The following CD40 variants were observed in gnomAD, a reference collection of about 807,000 sequenced individuals.
CD40 encodes the protein CD40 molecule, also known as tumor necrosis factor receptor superfamily member 5.
CD40 carries 19 observed loss-of-function variants against 38.5 expected under a neutral mutation model. The observed-to-expected ratio is 0.49, with a 90% CI of 0.34 to 0.72. The LOEUF is 0.72. CD40 is among the 30% of genes least tolerant of loss of function. The pLI is 0.01. For missense variants in CD40, 256 were observed against 344.1 expected (o/e 0.74, Z 2.03); for synonymous variants, 130 against 128.7 (o/e 1.01, Z -0.07).
chr20:46,121,984 A>G (rs2085327994), intron 2 of CD40, 86 bp downstream of exon 2: 4 of 1,227,020 alleles, frequency 3.3e-6, no homozygotes, highest in Non-Finnish European at 4.8e-6. Context: ...CTGTAAACTC[A>G]AATCTGAAAC....
chr20:46,122,366 C>T lies in CD40; in HGVS notation c.256+8C>T, dbSNP rs775430615. 8.1e-6 allele frequency: 13 copies of T among 1,614,030 alleles called. No homozygotes were observed. Among genetic ancestry groups the T allele is most frequent in the Middle Eastern group, 1.6e-4 (1 of 6,080 alleles). On this transcript the variant is annotated splice_region_variant and intron_variant, in intron 3 of 8. Coordinates refer to ENST00000372285, the MANE Select transcript of CD40 (RefSeq NM_001250.6). This position sits in a 1 kb window ranked among gnomAD's most constrained non-coding sequence, Gnocchi z 5.0. ...ACAAATACTGCGACCCCAGTGCGTG[C>T]GCTGTTGGGAAAGGGACGCTTGGGA...
chr20:46,121,415 G>A (rs2085314937), intron 1 of CD40, among the ~76,000 whole-genome samples: 1 of 152,100 alleles, frequency 6.6e-6, no homozygotes, highest in Non-Finnish European at 1.5e-5. Context: ...GGAGGAAGAG[G>A]CCAAGTGCTA....
intron 6 of CD40, 60 bp from the exon 7 acceptor site, chr20:46,128,078 G>A: frequency 6.2e-7 from 1 of 1,613,996 alleles, no homozygotes; most frequent in Non-Finnish European, 8.5e-7. Context: ...AGTCACAGCA[G>A]GTTGAGGGTA....
At chr20:46,121,336 A>T (rs1454840965) in intron 1 of CD40, among the ~76,000 whole-genome samples, 1 of 152,192 alleles carries the variant, frequency 6.6e-6, no homozygotes, top group Non-Finnish European at 1.5e-5. Flanking sequence ...GGATGAACAG[A>T]TGATGAGGAG....
At position 46,122,336 on chromosome 20, in the gene CD40, C is replaced by G; in HGVS notation, c.234C>G (p.His78Gln). The G allele has an allele frequency of 6.2e-7, 1 of 1,614,180 alleles. No homozygotes were observed. The highest frequency in any genetic ancestry group is 1.1e-5 in the South Asian group (1 of 91,082). The change falls in exon 3 of 9, where the codon CAC becomes CAG. Residue 78 changes from histidine (H) to glutamine (Q), a missense_variant. Coordinates refer to ENST00000372285, the MANE Select transcript of CD40 (RefSeq NM_001250.6). This position sits in a 1 kb window ranked among gnomAD's most constrained non-coding sequence, Gnocchi z 5.0. ...CCTGGAACAGAGAGACACACTGCCA[C>G]CAGCACAAATACTGCGACCCCAGTG... ...LDTWNRETHC[H>Q]QHKYCDPNLG...
Position 46,128,185 on chromosome 20 carries a change from G to A in CD40, c.607G>A (p.Gly203Arg), listed in dbSNP as rs1387744428. ...CCTGGTGGTGATCCCCATCATCTTCGGGATCCTGTTTGCCATCCTCTTGGT... is the reference window on the plus strand; with the variant it reads ...CCTGGTGGTGATCCCCATCATCTTCAGGATCCTGTTTGCCATCCTCTTGGT... Reference protein sequence around the residue: ...RALVVIPIIFGILFAILLVLV... With the variant: ...RALVVIPIIFRILFAILLVLV... Residue 203 changes from glycine to arginine, a missense_variant, in exon 7 of 9, where the codon GGG (glycine) becomes AGG (arginine). Gly to Arg is a moderately radical substitution (Grantham distance 125, BLOSUM62 -2). Coordinates refer to ENST00000372285, the MANE Select transcript of CD40 (RefSeq NM_001250.6). 4 of 1,613,912 alleles carry A rather than the reference G, an allele frequency of 2.5e-6. No individual in the cohort carries two copies. The highest frequency in any genetic ancestry group is 3.4e-6 in the Non-Finnish European group (4 of 1,179,996).
At chr20:46,119,336 T>C (rs550462145) in intron 1 of CD40, among the ~76,000 whole-genome samples, 2 of 152,290 alleles carry the variant, frequency 1.3e-5, no homozygotes, top group South Asian at 4.1e-4. Context: ...GAATGACCCA[T>C]GGTATCAAGG....
Position 46,129,612 on chromosome 20 carries a change from T to C in CD40, c.*572T>C. The C allele has an allele frequency of 5.9e-6, 1 of 168,676 alleles. No homozygotes were observed. Among genetic ancestry groups the C allele is most frequent in the South Asian group, 1.5e-4 (1 of 6,846 alleles). The allele number at this position is 168,676 out of a possible 1,614,324, so 10.4% of individuals were successfully genotyped here. A position where few individuals can be genotyped will look rare whatever the true frequency, so the allele number is the denominator to read the frequency against. On this transcript the variant is annotated 3_prime_UTR_variant, in exon 9 of 9. Coordinates refer to ENST00000372285, the MANE Select transcript of CD40 (RefSeq NM_001250.6). ...AAAAAAGTACATGCTTTTATGTATG[T>C]ATATTGCCTATGGATATATGTATAA... is the stretch of plus-strand genomic sequence containing the variant.
In CD40 at chr20:46,122,791, G is replaced by A. The variant is rs772597083; in HGVS notation, c.403+35G>A. 5 of 1,613,006 alleles carry A rather than the reference G, an allele frequency of 3.1e-6. No individual in the cohort carries two copies. The Admixed American group carries it at 8.3e-5, about 27-fold the overall frequency. ...TCATCTGGGAATCAGTTTTGGAGGG[G>A]GACAGAGGAGCTTAGGGCCCAAGGT... On this transcript the variant is annotated intron_variant, in intron 4 of 8. Coordinates refer to ENST00000372285, the MANE Select transcript of CD40 (RefSeq NM_001250.6). This position sits in a 1 kb window ranked among gnomAD's most constrained non-coding sequence, Gnocchi z 5.0.
chr20:46,121,153 A>G (rs537556969), intron 1 of CD40, among the ~76,000 whole-genome samples: 1 of 152,360 alleles, frequency 6.6e-6, no homozygotes, highest in East Asian at 1.9e-4. Flanking sequence ...AAGATGAAAC[A>G]CAAGTTGATG....
At chr20:46,124,751 G>GTATTTT (rs2085390264) in intron 5 of CD40, among the ~76,000 whole-genome samples, 1 of 73,938 alleles carries the variant, frequency 1.4e-5, no homozygotes, top group Non-Finnish European at 2.4e-5. Flanking sequence ...CACTGGTATA[G>GTATTTT]TTTTTTTTTT....
chr20:46,122,086 C>A lies in CD40; in HGVS notation c.131-147C>A. On this transcript the variant is annotated intron_variant, in intron 2 of 8. Coordinates refer to ENST00000372285, the MANE Select transcript of CD40 (RefSeq NM_001250.6). This position sits in a 1 kb window ranked among gnomAD's most constrained non-coding sequence, Gnocchi z 5.0. ...GTCTACCCTGAACTAGGGATCCCAG[C>A]TTCTCCATCTTCCTCGCCTGATTAT... The A allele has an allele frequency of 1.8e-6, 2 of 1,129,850 alleles. No homozygotes were observed. The highest frequency in any genetic ancestry group is 2.6e-6 in the Non-Finnish European group (2 of 756,136). The allele number at this position is 1,129,850 out of a possible 1,614,324, so 70.0% of individuals were successfully genotyped here. A position where few individuals can be genotyped will look rare whatever the true frequency, so the allele number is the denominator to read the frequency against.
At chr20:46,127,076 T>C (rs2085451788) in intron 6 of CD40, 1 of 317,210 alleles carries the variant, frequency 3.2e-6, no homozygotes, top group Non-Finnish European at 6.1e-6. Context: ...ATGGTACATG[T>C]ATACATATGT....
Position 46,122,688 on chromosome 20 carries a change from C to A in CD40, c.335C>A (p.Thr112Lys), listed in dbSNP as rs779810076. ...ICTCEEGWHC[T>K]SEACESCVLH... is the part of the protein sequence containing the mutation. ...ACCTGTGAAGAAGGCTGGCACTGTA[C>A]GAGTGAGGCCTGTGAGAGCTGTGTC... Residue 112 changes from threonine to lysine, a missense_variant, in exon 4 of 9, where the codon ACG becomes AAG. Thr to Lys is a moderately conservative substitution (Grantham distance 78). Transcript: ENST00000372285. This position sits in a 1 kb window ranked among gnomAD's most constrained non-coding sequence, Gnocchi z 5.0. The A allele has an allele frequency of 5.6e-6, 9 of 1,614,126 alleles. No homozygotes were observed. Among genetic ancestry groups the A allele is most frequent in the South Asian group, 1.1e-5 (1 of 91,088 alleles).
intron 6 of CD40, chr20:46,127,023 T>C: frequency 2.4e-6 from 1 of 416,384 alleles, no homozygotes; most frequent in East Asian, 5.2e-5. Flanking sequence ...ACATTCTCTT[T>C]ACCTAACGCT....
chr20:46,126,812 G>C (rs757887786), intron 6 of CD40, 111 bp downstream of exon 6: 10 of 1,575,806 alleles, frequency 6.3e-6, no homozygotes, highest in African/African-American at 4.1e-5. Context: ...AGGCAGTTTG[G>C]GGGTGTGGTA....
At position 46,128,304 on chromosome 20, in the gene CD40, C is replaced by CTTTTTTTTTTTTT; in HGVS notation, c.647-15_647-3dup. 3 of 1,439,752 alleles carry CTTTTTTTTTTTTT rather than the reference C, an allele frequency of 2.1e-6. 1 individual carries two copies. The highest frequency in any genetic ancestry group is 4.5e-5 in the Admixed American group (2 of 44,842). The allele number at this position is 1,439,752 out of a possible 1,614,324, so 89.2% of individuals were successfully genotyped here. A position where few individuals can be genotyped will look rare whatever the true frequency, so the allele number is the denominator to read the frequency against. On this transcript the variant is annotated intron_variant, in intron 7 of 8. Transcript: ENST00000372285. ...TATCTGGCCTCTCCAACTCCCCATC[C>CTTTTTTTTTTTTT]TTTTTTTTTTTTTTTTTTTTTTTAG... is the stretch of plus-strand genomic sequence containing the variant.
At position 46,128,191 on chromosome 20, in the gene CD40, C is replaced by T. The variant is rs1406161818; in HGVS notation, c.613C>T (p.Leu205=). Residue 205 remains leucine (L), a synonymous_variant, in exon 7 of 9, where the codon CTG becomes TTG. Transcript: ENST00000372285. ...LVVIPIIFGI[L]FAILLVLVFI... is the part of the protein sequence containing the mutation. Reference sequence around the variant, plus strand: ...GGTGATCCCCATCATCTTCGGGATCCTGTTTGCCATCCTCTTGGTGCTGGT... The same window carrying T: ...GGTGATCCCCATCATCTTCGGGATCTTGTTTGCCATCCTCTTGGTGCTGGT... 9 of 1,613,350 alleles carry T rather than the reference C, an allele frequency of 5.6e-6. No homozygotes were observed. The highest frequency in any genetic ancestry group is 7.6e-6 in the Non-Finnish European group (9 of 1,179,956).
intron 1 of CD40, among the ~76,000 whole-genome samples, chr20:46,121,033 C>T (rs2085307389): frequency 6.6e-6 from 1 of 152,100 alleles, no homozygotes; most frequent in South Asian, 2.1e-4. Flanking sequence ...CCACTGCACT[C>T]CAGCCTGGGC....
Sources: allele counts gnomAD v4.1 joint callset (sites outside exome capture counted in the v4.1 genomes callset), GRCh38; gene constraint gnomAD v4.1.1; non-coding constraint Gnocchi (gnomAD v3.1); transcripts MANE v1.5; gene names NCBI Gene and HGNC (gene_info 2026-07-23, HGNC 2026-07-21).